CCDC171: variants seen among roughly 807,000 people sequenced by gnomAD.
The protein encoded by CCDC171 is coiled-coil domain containing 171, also known as coiled-coil domain-containing protein 171.
In CCDC171, 177 loss-of-function variants were observed where a neutral mutation model predicts 168.2. That is an observed-to-expected ratio of 1.05 (90% CI 0.93 to 1.19). The LOEUF (loss-of-function observed/expected upper bound fraction) is 1.19, where lower values mean the gene tolerates loss of function less well. CCDC171 is among the 50% of genes most tolerant of loss of function. The probability of loss-of-function intolerance (pLI) is 0.00; values close to 1 mark genes in which losing one functional copy is unlikely to be tolerated. For missense variants in CCDC171, 1,991 were observed against 1,539.0 expected (o/e 1.29, Z -4.91); for synonymous variants, 687 against 540.8 (o/e 1.27, Z -3.75).
At chr9:15,883,955 G>T (rs866025494) in intron 24 of CCDC171, among the ~76,000 whole-genome samples, 2 of 152,186 alleles carry the variant, frequency 1.3e-5, no homozygotes, top group African/African-American at 4.8e-5. Context: ...AAAGTAGTAG[G>T]ACTGGCAATA....
chr9:15,766,682 C>T (rs2056739161), intron 18 of CCDC171, among the ~76,000 whole-genome samples: 1 of 151,744 alleles, frequency 6.6e-6, no homozygotes, highest in South Asian at 2.1e-4. Flanking sequence ...GATAAGGGCT[C>T]TCTGTCTCTG....
intron 11 of CCDC171, 129 bp from the exon 12 acceptor site, chr9:15,721,640 T>C (rs781116875): frequency 5.6e-6 from 2 of 354,500 alleles, no homozygotes; most frequent in Admixed American, 4.0e-5. Flanking sequence ...TACTGCTGTA[T>C]GGCCAAGTAT....
At chr9:16,005,703 A>G (rs1287843568) in intron 3 of CCDC171, among the ~76,000 whole-genome samples, 1 of 152,216 alleles carries the variant, frequency 6.6e-6, no homozygotes, top group Non-Finnish European at 1.5e-5. Flanking sequence ...TTTAAAGTAT[A>G]CAGGAGGATA....
upstream of CCDC171, among the ~76,000 whole-genome samples, chr9:16,039,257 G>C (rs7045229): frequency 6.6e-6 from 1 of 152,182 alleles, no homozygotes; most frequent in Non-Finnish European, 1.5e-5. Context: ...GCTGTCACCT[G>C]TGCAGGACTC....
chr9:16,072,627 T>C, the CCDC171 span, among the ~76,000 whole-genome samples: 1 of 152,208 alleles, frequency 6.6e-6, no homozygotes, highest in Admixed American at 6.5e-5. Flanking sequence ...GGTTTCTACT[T>C]GATCTGATGC....
At chr9:15,582,551 T>C (rs960681275) in intron 4 of CCDC171, among the ~76,000 whole-genome samples, 3 of 152,010 alleles carry the variant, frequency 2.0e-5, no homozygotes, top group Middle Eastern at 3.4e-3. Context: ...CAATGATAGA[T>C]TGGATAAAGA....
intron 25 of CCDC171, among the ~76,000 whole-genome samples, chr9:15,938,960 G>T (rs1564029560): frequency 6.6e-6 from 1 of 151,530 alleles, no homozygotes; most frequent in Non-Finnish European, 1.5e-5. Flanking sequence ...TGATTGCTTT[G>T]ATATATCATT....
chr9:15,595,598 T>G (rs557176468), intron 6 of CCDC171, among the ~76,000 whole-genome samples: 1 of 152,258 alleles, frequency 6.6e-6, no homozygotes, highest in East Asian at 1.9e-4. Flanking sequence ...GAATAGTGCC[T>G]CAAGAAACAT....
intron 1 of CCDC171, among the ~76,000 whole-genome samples, chr9:15,559,202 A>G (rs1269245254): frequency 6.6e-6 from 1 of 152,116 alleles, no homozygotes; most frequent in East Asian, 1.9e-4. Context: ...AGAAGAATGT[A>G]TATTCTGTTG....
At chr9:16,046,567 T>G (rs1325096076) in intron 1 of CCDC171, among the ~76,000 whole-genome samples, 1 of 152,206 alleles carries the variant, frequency 6.6e-6, no homozygotes, top group Admixed American at 6.5e-5. Flanking sequence ...TCATCTTGAA[T>G]TGTAGCTCCC....
chr9:15,566,019 G>A (rs10962070), intron 2 of CCDC171, among the ~76,000 whole-genome samples: 55,345 of 151,954 alleles, frequency 0.36, 12,623 homozygotes, highest in East Asian at 0.71. Flanking sequence ...ACCAATACTG[G>A]TTTTTATCTA....
chr9:16,090,909 C>T, the CCDC171 span, among the ~76,000 whole-genome samples: 5 of 152,310 alleles, frequency 3.3e-5, no homozygotes, highest in Non-Finnish European at 5.9e-5. Flanking sequence ...AAGTAATTCT[C>T]GAAAGTTGAG....
At chr9:16,087,449 C>T in the CCDC171 span, among the ~76,000 whole-genome samples, 13 of 151,300 alleles carry the variant, frequency 8.6e-5, no homozygotes, top group Admixed American at 4.6e-4. Flanking sequence ...ATAATTAGCT[C>T]TTCTTGTTGC....
intron 7 of CCDC171, among the ~76,000 whole-genome samples, chr9:15,644,841 G>A (rs920146223): frequency 1.3e-5 from 2 of 152,210 alleles, no homozygotes; most frequent in African/African-American, 4.8e-5. Context: ...ACAAAAGGCA[G>A]CAGAAACCTC....
chr9:15,831,709 C>T (rs995287570), intron 21 of CCDC171, among the ~76,000 whole-genome samples: 1 of 151,952 alleles, frequency 6.6e-6, no homozygotes, highest in African/African-American at 2.4e-5. Flanking sequence ...AGAGAGGGTT[C>T]TTATTAAATT....
At chr9:15,976,711 C>A (rs566455717), downstream of CCDC171, among the ~76,000 whole-genome samples, 14 of 151,610 alleles carry the variant, frequency 9.2e-5, no homozygotes, top group South Asian at 2.9e-3. Flanking sequence ...AATGCCAGAG[C>A]ATTTCCTGGT....
intron 21 of CCDC171, among the ~76,000 whole-genome samples, chr9:15,837,718 G>C (rs1207739845): frequency 1.3e-5 from 2 of 152,116 alleles, no homozygotes; most frequent in Admixed American, 6.6e-5. Flanking sequence ...GTATTACTCA[G>C]CTTCACTCTC....
chr9:16,005,999 A>G (rs1474203286), intron 3 of CCDC171, among the ~76,000 whole-genome samples: 2 of 151,950 alleles, frequency 1.3e-5, no homozygotes, highest in African/African-American at 4.8e-5. Context: ...GGCTGGGACT[A>G]CAGGCATGCA....
At chr9:15,851,427 CTT>C (rs1052832049) in intron 23 of CCDC171, among the ~76,000 whole-genome samples, 1 of 36,402 alleles carries the variant, frequency 2.7e-5, no homozygotes, top group Non-Finnish European at 5.4e-5. Flanking sequence ...AAAAGACACT[CTT>C]TTGGGGGGGA....
Sources: allele counts gnomAD v4.1 joint callset (sites outside exome capture counted in the v4.1 genomes callset), GRCh38; gene constraint gnomAD v4.1.1; transcripts MANE v1.5; gene names NCBI Gene and HGNC (gene_info 2026-07-23, HGNC 2026-07-21).